The following OSBP2 variants were observed in gnomAD, a reference collection of about 807,000 sequenced individuals.
OSBP2 encodes oxysterol-binding protein 2.
Under a neutral mutation model 96.0 loss-of-function variants are expected in OSBP2, and 66 were observed. That is an observed-to-expected ratio of 0.69 (90% CI 0.56 to 0.84). OSBP2 has a LOEUF of 0.84. Ranked by LOEUF, OSBP2 falls within the 40% of genes least tolerant of loss-of-function variation. OSBP2 has a pLI of 0.00. For synonymous variants in OSBP2, 525 were observed against 520.9 expected (o/e 1.01, Z -0.11); for missense variants, 1,038 against 1,222.7 (o/e 0.85, Z 2.25).
intron 2 of OSBP2, among the ~76,000 whole-genome samples, chr22:30,787,597 C>T (rs1036807480): frequency 2.6e-5 from 4 of 152,028 alleles, no homozygotes; most frequent in African/African-American, 4.8e-5. Context: ...CACTTGAACC[C>T]GGGAGGTGGA....
At chr22:30,836,445 TTTG>T (rs1207754894) in intron 2 of OSBP2, among the ~76,000 whole-genome samples, 1 of 152,140 alleles carries the variant, frequency 6.6e-6, no homozygotes, top group Non-Finnish European at 1.5e-5. Flanking sequence ...TACAAAGCTA[TTTG>T]TTGTTGGTTC....
At chr22:30,862,507 C>G (rs1407445321) in intron 2 of OSBP2, among the ~76,000 whole-genome samples, 1 of 152,176 alleles carries the variant, frequency 6.6e-6, no homozygotes, top group African/African-American at 2.4e-5. Flanking sequence ...TGGTTAAACC[C>G]TGTCTCTACT....
intron 2 of OSBP2, among the ~76,000 whole-genome samples, chr22:30,746,844 G>A (rs2090007732): frequency 6.6e-6 from 1 of 152,030 alleles, no homozygotes. Context: ...TGATACCTAA[G>A]CCAAACAAAG....
At chr22:30,815,405 ACTC>A (rs1299522943) in intron 2 of OSBP2, among the ~76,000 whole-genome samples, 1 of 152,002 alleles carries the variant, frequency 6.6e-6, no homozygotes, top group African/African-American at 2.4e-5. Flanking sequence ...CAGGACACCT[ACTC>A]CTTCGATATC....
chr22:30,767,126 C>T, intron 2 of OSBP2, among the ~76,000 whole-genome samples: 1 of 101,342 alleles, frequency 9.9e-6, no homozygotes. Context: ...AATCCCATCT[C>T]TACTAAAAAT....
intron 3 of OSBP2, among the ~76,000 whole-genome samples, chr22:30,876,297 C>T (rs1327896418): frequency 6.6e-6 from 1 of 152,212 alleles, no homozygotes; most frequent in Non-Finnish European, 1.5e-5. Flanking sequence ...TCCCACCTGC[C>T]CACCCAGTTA....
rs117121884 is a variant in OSBP2 at position 30,733,633 on chromosome 22, G to T, written c.645-7528G>T. 2.0e-5 allele frequency among the ~76,000 whole-genome samples: 3 copies of T among 152,246 alleles called. No individual in the cohort carries two copies. The East Asian group carries it at 5.8e-4, about 29-fold the overall frequency. ...GAGGAGAGAGAGAGGGGACGGAGGA[G>T]GTGCACCATTCTTAGTTGATGTACA... On this transcript the variant is annotated intron_variant, in intron 1 of 13. Coordinates refer to ENST00000332585, the MANE Select transcript of OSBP2 (RefSeq NM_030758.4).
At chr22:30,902,729 T>C (rs2040242630) in intron 12 of OSBP2, 1 of 477,160 alleles carries the variant, frequency 2.1e-6, no homozygotes, top group Non-Finnish European at 4.1e-6. Flanking sequence ...AACTCTGCTA[T>C]CTTCAGGGGT....
At position 30,890,926 on chromosome 22, in the gene OSBP2, G is replaced by A. The variant is rs762623108; in HGVS notation, c.1822G>A (p.Glu608Lys). 3.1e-6 allele frequency: 5 copies of A among 1,612,236 alleles called. No homozygotes were observed. The East Asian group carries it at 6.7e-5, about 22-fold the overall frequency. Residue 608 changes from glutamate to lysine, a missense_variant, in exon 8 of 14, where the codon GAG (glutamate) becomes AAG (lysine). Glu to Lys is a moderately conservative substitution (Grantham distance 56, BLOSUM62 1). Transcript: ENST00000332585. This position sits in a 1 kb window ranked among gnomAD's most constrained non-coding sequence, Gnocchi z 4.4. ...PFNPMLGETF[E>K]LDRLDDMGLR... ...CAACCCCATGCTGGGGGAGACCTTC[G>A]AGCTGGACCGCCTCGACGACATGGG...
At chr22:30,789,129 G>A (rs369847530) in intron 2 of OSBP2, among the ~76,000 whole-genome samples, 14 of 152,166 alleles carry the variant, frequency 9.2e-5, no homozygotes, top group African/African-American at 2.9e-4. Context: ...TGACCATCTC[G>A]GAGACCATGT....
At chr22:30,760,661 C>A (rs1256343254) in intron 2 of OSBP2, among the ~76,000 whole-genome samples, 1 of 151,770 alleles carries the variant, frequency 6.6e-6, no homozygotes, top group African/African-American at 2.4e-5. Context: ...ACTGAAAATA[C>A]AAAAATTAGC....
At chr22:30,774,236 G>T (rs899993327) in intron 2 of OSBP2, among the ~76,000 whole-genome samples, 1 of 152,192 alleles carries the variant, frequency 6.6e-6, no homozygotes, top group Non-Finnish European at 1.5e-5. Context: ...TCTAAAATAA[G>T]GATAGTTCCA....
intron 2 of OSBP2, among the ~76,000 whole-genome samples, chr22:30,861,602 GCGT>G (rs1422856630): frequency 6.6e-6 from 1 of 152,186 alleles, no homozygotes; most frequent in Non-Finnish European, 1.5e-5. Context: ...GTGCCTTCCA[GCGT>G]CCTCAGGTTG....
At chr22:30,883,950 G>T (rs895442574) in intron 3 of OSBP2, among the ~76,000 whole-genome samples, 1 of 152,134 alleles carries the variant, frequency 6.6e-6, no homozygotes, top group Non-Finnish European at 1.5e-5. Context: ...CAGGACGGCC[G>T]CTGTAGGACT....
intron 2 of OSBP2, among the ~76,000 whole-genome samples, chr22:30,852,508 T>C (rs2038995476): frequency 6.6e-6 from 1 of 152,058 alleles, no homozygotes; most frequent in African/African-American, 2.4e-5. Context: ...ATTTCTATCA[T>C]TGATAATTTG....
At chr22:30,892,872 C>A (rs1156748794) in intron 8 of OSBP2, among the ~76,000 whole-genome samples, 1 of 152,188 alleles carries the variant, frequency 6.6e-6, no homozygotes, top group Non-Finnish European at 1.5e-5. Flanking sequence ...TCCACCATCA[C>A]CCCTATTTCA....
intron 2 of OSBP2, among the ~76,000 whole-genome samples, chr22:30,863,140 G>A (rs1456917280): frequency 6.6e-6 from 1 of 152,082 alleles, no homozygotes; most frequent in Non-Finnish European, 1.5e-5. Flanking sequence ...CCCAGCAACT[G>A]GGCTGTTCGT....
chr22:30,897,569 T>A (rs1477865732), intron 12 of OSBP2, among the ~76,000 whole-genome samples: 1 of 152,040 alleles, frequency 6.6e-6, no homozygotes, highest in Middle Eastern at 3.2e-3. Context: ...TGGGAAAAAA[T>A]TTTAAGTTGC....
rs1007591413 is a variant in OSBP2, at chr22:30,859,270, C to T, written c.854-11159C>T. Among the ~76,000 whole-genome samples, 15 of 152,334 alleles carry T rather than the reference C, an allele frequency of 9.8e-5. No individual in the cohort carries two copies. The East Asian group carries it at 2.7e-3, about 27-fold the overall frequency. ...CCTGCTCAACAGTCCTGGCACCGTC[C>T]GAGATCAGTGGCTTCTCCAGTGTGG... On this transcript the variant is annotated intron_variant, in intron 2 of 13. Transcript: ENST00000332585.
Sources: allele counts gnomAD v4.1 joint callset (sites outside exome capture counted in the v4.1 genomes callset), GRCh38; gene constraint gnomAD v4.1.1; non-coding constraint Gnocchi (gnomAD v3.1); transcripts MANE v1.5; gene names NCBI Gene and HGNC (gene_info 2026-07-23, HGNC 2026-07-21).